Variants in MSLN observed in about 807,000 individuals in gnomAD.
MSLN encodes the protein mesothelin.
MSLN carries 82 observed loss-of-function variants against 72.6 expected under a neutral mutation model. The ratio of observed to expected loss-of-function variants is 1.13; its 90% CI spans 0.94 to 1.36. The LOEUF (loss-of-function observed/expected upper bound fraction) is 1.36, where lower values mean the gene tolerates loss of function less well. Among genes scored for constraint, MSLN ranks in the 40% most tolerant of loss-of-function variants. The probability of loss-of-function intolerance (pLI) is 0.00; values close to 1 mark genes in which losing one functional copy is unlikely to be tolerated. For synonymous variants in MSLN, 456 were observed against 387.3 expected (o/e 1.18, Z -2.08); for missense variants, 1,005 against 847.9 (o/e 1.19, Z -2.30).
Position 766,658 on chromosome 16 carries a change from C to T in MSLN, c.1231-10C>T, listed in dbSNP as rs1284616948. ...CTTGCCACAAGGCTCCTCGGCGGCCCCTCCCACAGGTGGCCACCCTGATCG... is the reference window on the plus strand; with the variant it reads ...CTTGCCACAAGGCTCCTCGGCGGCCTCTCCCACAGGTGGCCACCCTGATCG... On this transcript the variant is annotated splice_polypyrimidine_tract_variant and intron_variant, in intron 13 of 17. Transcript: ENST00000545450. 1.2e-6 allele frequency: 2 copies of T among 1,612,290 alleles called. No homozygotes were observed. Among genetic ancestry groups the T allele is most frequent in the Non-Finnish European group, 1.7e-6 (2 of 1,179,832 alleles).
chr16:768,019 G>C (rs2041659656), intron 16 of MSLN, among the ~76,000 whole-genome samples: 1 of 57,594 alleles, frequency 1.7e-5, no homozygotes, highest in Non-Finnish European at 3.1e-5. Context: ...GGCGCATGGG[G>C]GGGTGTGGAG....
At chr16:764,583 G>C (rs1468796575) in intron 6 of MSLN, 64 bp from the exon 7 acceptor site, 4 of 1,379,536 alleles carry the variant, frequency 2.9e-6, no homozygotes, top group Middle Eastern at 1.8e-4. Context: ...CTGGCCAGGC[G>C]ACCCTGGCCC....
chr16:762,756 T>G lies in MSLN; in HGVS notation c.76T>G (p.Phe26Val). The change falls in exon 3 of 18, where the codon TTC (phenylalanine) becomes GTC (valine). Residue 26 changes from phenylalanine (F) to valine (V), a missense_variant. By Grantham distance (50) the Phe-to-Val change is conservative (BLOSUM62 -1). Coordinates refer to ENST00000545450, the MANE Select transcript of MSLN (RefSeq NM_005823.6). ...PALGSLLFLL[F>V]SLGWVQPSRT... ...CCTCGGCAGCCTCCTGTTCCTGCTC[T>G]TCAGCCTCGGTGCGTACTTGATGGG... 6.3e-7 allele frequency: 1 copy of G among 1,592,618 alleles called. No individual in the cohort carries two copies. Among genetic ancestry groups the G allele is most frequent in the Non-Finnish European group, 8.5e-7 (1 of 1,171,398 alleles).
In MSLN at chr16:760,743, T is replaced by C. The variant is rs1415328175; in HGVS notation, c.-190T>C. Reference sequence around the variant, plus strand: ...TGCCCCGGGCAAAGCCGTCATTTGTTCCCTTTGACGGCCCGGGAGGCTGCC... The same window carrying C: ...TGCCCCGGGCAAAGCCGTCATTTGTCCCCTTTGACGGCCCGGGAGGCTGCC... On this transcript the variant is annotated 5_prime_UTR_variant, in exon 1 of 18. Coordinates refer to ENST00000545450, the MANE Select transcript of MSLN (RefSeq NM_005823.6). 1 of 152,212 alleles carries C rather than the reference T, an allele frequency of 6.6e-6. No individual in the cohort carries two copies. Among genetic ancestry groups the C allele is most frequent in the Admixed American group, 6.5e-5 (1 of 15,280 alleles). The allele number at this position is 152,212 out of a possible 1,614,324, so 9.4% of individuals were successfully genotyped here. A position where few individuals can be genotyped will look rare whatever the true frequency, so the allele number is the denominator to read the frequency against.
At chr16:762,838 C>T in intron 3 of MSLN, 73 bp downstream of exon 3, 1 of 1,271,562 alleles carries the variant, frequency 7.9e-7, no homozygotes, top group East Asian at 2.5e-5. Flanking sequence ...CCCAGCAAGG[C>T]TTTGCCTGCC....
At chr16:764,833 G>A (rs2041583053) in intron 7 of MSLN, 74 bp from the exon 8 acceptor site, 4 of 1,588,028 alleles carry the variant, frequency 2.5e-6, no homozygotes, top group African/African-American at 2.7e-5. Context: ...AGATGTGGAG[G>A]CCGGCCGGGC....
At position 763,213 on chromosome 16, in the gene MSLN, T is replaced by C; in HGVS notation, c.86-20T>C. ...CAGAGGCCCGCCCCCTCCCCCAAGC[T>C]GTCCCCTCTGCCCCTTTAGGATGGG... On this transcript the variant is annotated intron_variant, in intron 3 of 17. Coordinates refer to ENST00000545450, the MANE Select transcript of MSLN (RefSeq NM_005823.6). The C allele has an allele frequency of 6.6e-7, 1 of 1,518,734 alleles. No homozygotes were observed. The highest frequency in any genetic ancestry group is 1.4e-5 in the African/African-American group (1 of 71,292). 94.1% of individuals were successfully genotyped at this position (1,518,734 alleles called of 1,614,324 possible).
At chr16:764,380 C>T (rs1567356300) in intron 6 of MSLN, among the ~76,000 whole-genome samples, 1 of 152,222 alleles carries the variant, frequency 6.6e-6, no homozygotes, top group Non-Finnish European at 1.5e-5. Context: ...GGGCCCCCTC[C>T]TGGAGCGCCG....
Position 762,731 on chromosome 16 carries a change from C to T in MSLN, c.51C>T (p.Ala17=), listed in dbSNP as rs756456748. 3.4e-5 allele frequency: 54 copies of T among 1,602,762 alleles called. No individual in the cohort carries two copies. The highest frequency in any genetic ancestry group is 4.6e-5 in the Non-Finnish European group (54 of 1,175,856). ...TGTTGGGGTCCTGTGGGACCCCCGC[C>T]CTCGGCAGCCTCCTGTTCCTGCTCT... ...RPLLGSCGTP[A]LGSLLFLLFS... The change falls in exon 3 of 18, where the codon GCC becomes GCT. Residue 17 remains alanine (A), a synonymous_variant. Coordinates refer to ENST00000545450, the MANE Select transcript of MSLN (RefSeq NM_005823.6).
At chr16:766,004 G>C in intron 11 of MSLN, 55 bp from the exon 12 acceptor site, 1 of 1,522,594 alleles carries the variant, frequency 6.6e-7, no homozygotes, top group Admixed American at 1.9e-5. Flanking sequence ...AGGTGTGGGA[G>C]GAAGAAGGGG....
chr16:762,473 C>A, intron 2 of MSLN, 199 bp from the exon 3 acceptor site: 1 of 568,430 alleles, frequency 1.8e-6, no homozygotes, highest in East Asian at 3.2e-5. Context: ...CCCAGCCCCT[C>A]CCCTGGACAG....
chr16:768,808 G>T lies in MSLN; in HGVS notation c.*75G>T. 7.0e-7 allele frequency: 1 copy of T among 1,419,638 alleles called. No homozygotes were observed. The highest frequency in any genetic ancestry group is 9.8e-7 in the Non-Finnish European group (1 of 1,018,860). 87.9% of individuals were successfully genotyped at this position (1,419,638 alleles called of 1,614,324 possible). On this transcript the variant is annotated 3_prime_UTR_variant, in exon 18 of 18. Coordinates refer to ENST00000545450, the MANE Select transcript of MSLN (RefSeq NM_005823.6). ...CCAGGAGCAGGCACGGGTGGTCCCC[G>T]TTCCACCCCAAGAGAACTCGCGCTC...
chr16:766,621 G>C (rs761585198), intron 13 of MSLN, 47 bp from the exon 14 acceptor site: 1 of 1,611,266 alleles, frequency 6.2e-7, no homozygotes, highest in Non-Finnish European at 8.5e-7. Flanking sequence ...GTGGTGGAGG[G>C]ATACATCTCT....
intron 2 of MSLN, 133 bp from the exon 3 acceptor site, chr16:762,539 C>T (rs1076675): frequency 0.079 from 54,961 of 695,290 alleles, 3,180 homozygotes; most frequent in Admixed American, 0.19. Flanking sequence ...GGCCAGGGTG[C>T]GGACACAAGC....
rs1296825788 is a variant in MSLN, at chr16:764,050, C to T, written c.207C>T (p.Phe69=). The T allele has an allele frequency of 5.0e-6, 8 of 1,604,216 alleles. No individual in the cohort carries two copies. The highest frequency in any genetic ancestry group is 6.8e-6 in the Non-Finnish European group (8 of 1,179,728). ...TCTCCCCTCGCCAACTCCTTGGCTT[C>T]CCGTGTGCGGAGGTGTCCGGCCTGA... ...SSLSPRQLLG[F]PCAEVSGLST... The change falls in exon 6 of 18, where the codon TTC becomes TTT. Residue 69 remains phenylalanine (F), a synonymous_variant. Transcript: ENST00000545450.
chr16:760,845 C>T (rs531171012), intron 1 of MSLN, 24 bp downstream of exon 1: 1 of 152,470 alleles, frequency 6.6e-6, no homozygotes, highest in Admixed American at 6.5e-5. Flanking sequence ...CCCTGCACAT[C>T]AGAGTTACCC....
At chr16:765,345 C>A (rs547297040) in intron 9 of MSLN, 42 bp downstream of exon 9, 10 of 1,504,714 alleles carry the variant, frequency 6.6e-6, no homozygotes, top group Non-Finnish European at 8.9e-6. Context: ...CACCTGGCGG[C>A]GTGGTATCAG....
intron 16 of MSLN, among the ~76,000 whole-genome samples, chr16:768,125 G>C (rs532269528): frequency 2.0e-5 from 3 of 147,316 alleles, no homozygotes; most frequent in Admixed American, 6.7e-5. Flanking sequence ...AGGGGCCAAC[G>C]GGGGGTGGGA....
chr16:766,934 G>T lies in MSLN; in HGVS notation c.1423G>T (p.Val475Phe). 1 of 1,612,632 alleles carries T rather than the reference G, an allele frequency of 6.2e-7. No homozygotes were observed. The stretch of plus-strand genomic sequence containing the variant: ...CACGTGTGACCCAAGGCAGCTGGAC[G>T]TCCTCTATCCCAAGGCCCGCCTTGC... Reference protein sequence around the residue: ...LDTCDPRQLDVLYPKARLAFQ... With the variant: ...LDTCDPRQLDFLYPKARLAFQ... Residue 475 changes from valine to phenylalanine, a missense_variant, in exon 15 of 18, where the codon GTC becomes TTC. Transcript: ENST00000545450.
Sources: gnomAD v4.1 joint callset for allele counts (sites outside exome capture counted in the v4.1 genomes callset) on GRCh38, gnomAD v4.1.1 for gene constraint, MANE v1.5 for transcripts, NCBI Gene and HGNC (gene_info 2026-07-23, HGNC 2026-07-21) for gene names.